WWOX: variants seen among roughly 807,000 people sequenced by gnomAD.
WWOX encodes the protein WW domain-containing oxidoreductase.
A neutral mutation model predicts 46.2 loss-of-function variants in WWOX; 69 were observed. The observed-to-expected ratio is 1.49, with a 90% confidence interval of 1.23 to 1.82. WWOX has a LOEUF of 1.82. Ranked by LOEUF, WWOX falls within the 40% of genes most tolerant of loss-of-function variation. The probability of loss-of-function intolerance (pLI) is 0.00; values close to 1 mark genes in which losing one functional copy is unlikely to be tolerated. For missense variants in WWOX, 919 were observed against 542.6 expected (o/e 1.69, Z -6.89); for synonymous variants, 359 against 202.6 (o/e 1.77, Z -6.56).
intron 8 of WWOX, among the ~76,000 whole-genome samples, chr16:79,191,395 G>GT (rs1333209659): frequency 6.6e-6 from 1 of 152,276 alleles, no homozygotes; most frequent in East Asian, 1.9e-4. Flanking sequence ...CACCGAGATA[G>GT]TAAGTGGACA....
At chr16:78,862,087 C>CTATATCTATACACACACCTAT (rs2043897475) in intron 8 of WWOX, among the ~76,000 whole-genome samples, 1 of 151,882 alleles carries the variant, frequency 6.6e-6, no homozygotes, top group Non-Finnish European at 1.5e-5. Flanking sequence ...TACACACCTA[C>CTATATCTATACACACACCTAT]GGGTGTGTCT....
At chr16:78,585,646 CTGT>C (rs1597307847) in intron 8 of WWOX, among the ~76,000 whole-genome samples, 1 of 151,234 alleles carries the variant, frequency 6.6e-6, no homozygotes, top group African/African-American at 2.4e-5. Context: ...TTTGTTGTTG[CTGT>C]TGTTTTTTCT....
chr16:78,232,681 G>A (rs1280338947), intron 5 of WWOX, among the ~76,000 whole-genome samples: 1 of 152,188 alleles, frequency 6.6e-6, no homozygotes, highest in South Asian at 2.1e-4. Flanking sequence ...TTTTAAACTT[G>A]AATTTAGTTT....
At chr16:78,523,618 C>T (rs962924485) in intron 8 of WWOX, among the ~76,000 whole-genome samples, 12 of 152,178 alleles carry the variant, frequency 7.9e-5, no homozygotes, top group Admixed American at 2.6e-4. Context: ...TATTTTTCTC[C>T]ACCTTGGGTG....
intron 8 of WWOX, among the ~76,000 whole-genome samples, chr16:78,646,765 C>T (rs773982752): frequency 6.6e-6 from 1 of 152,186 alleles, no homozygotes; most frequent in Non-Finnish European, 1.5e-5. Context: ...GGTTTTGCCT[C>T]CTTCTAGAAC....
intron 8 of WWOX, among the ~76,000 whole-genome samples, chr16:78,766,428 C>G (rs1051147223): frequency 6.6e-5 from 10 of 152,266 alleles, no homozygotes; most frequent in African/African-American, 2.4e-4. Flanking sequence ...GACCCCACGT[C>G]TTAAAAAAAT....
At chr16:78,822,327 C>G (rs868375376) in intron 8 of WWOX, among the ~76,000 whole-genome samples, 1 of 152,038 alleles carries the variant, frequency 6.6e-6, no homozygotes, top group Non-Finnish European at 1.5e-5. Flanking sequence ...AACGCCATCT[C>G]TACTAAAAAC....
At chr16:78,565,364 T>A (rs1013952258) in intron 8 of WWOX, among the ~76,000 whole-genome samples, 1 of 152,166 alleles carries the variant, frequency 6.6e-6, no homozygotes, top group Admixed American at 6.5e-5. Flanking sequence ...TAGGGGAGAA[T>A]CTGTTTCCTT....
intron 8 of WWOX, among the ~76,000 whole-genome samples, chr16:78,761,408 T>C (rs140986562): frequency 5.8e-4 from 89 of 152,298 alleles, no homozygotes; most frequent in African/African-American, 2.1e-3. Context: ...TAGTTTTGTT[T>C]ACCTGTTTAG....
chr16:79,101,162 A>T (rs2150630220), intron 8 of WWOX: 1 of 152,342 alleles, frequency 6.6e-6, no homozygotes, highest in South Asian at 2.1e-4. Context: ...AAGTCTCCAG[A>T]AATTGGCCTC....
chr16:79,094,005 C>CATGT (rs2049017613), intron 8 of WWOX, among the ~76,000 whole-genome samples: 1 of 152,134 alleles, frequency 6.6e-6, no homozygotes, highest in Non-Finnish European at 1.5e-5. Flanking sequence ...TGAACGAATA[C>CATGT]ATGTATGAAT....
intron 8 of WWOX, among the ~76,000 whole-genome samples, chr16:78,549,776 G>T (rs1317607601): frequency 2.6e-5 from 4 of 152,194 alleles, no homozygotes; most frequent in Non-Finnish European, 5.9e-5. Context: ...AGGGTAAGAT[G>T]AACGTCTTAG....
At chr16:78,957,670 C>G (rs1380408892) in intron 8 of WWOX, among the ~76,000 whole-genome samples, 2 of 151,336 alleles carry the variant, frequency 1.3e-5, no homozygotes, top group Non-Finnish European at 2.9e-5. Context: ...AAACTTAAGT[C>G]AAGGGATTTT....
intron 8 of WWOX, among the ~76,000 whole-genome samples, chr16:78,925,282 C>T (rs2045472861): frequency 6.6e-6 from 1 of 152,148 alleles, no homozygotes; most frequent in Non-Finnish European, 1.5e-5. Context: ...CACTGGGTGG[C>T]AGCATACTGG....
intron 4 of WWOX, among the ~76,000 whole-genome samples, chr16:78,137,282 C>A (rs2033828508): frequency 6.6e-6 from 1 of 152,168 alleles, no homozygotes; most frequent in African/African-American, 2.4e-5. Flanking sequence ...TGTGAATCCT[C>A]ACCCTCCGAT....
chr16:78,458,645 A>T (rs1370803595), intron 8 of WWOX, among the ~76,000 whole-genome samples: 1 of 151,446 alleles, frequency 6.6e-6, no homozygotes, highest in Non-Finnish European at 1.5e-5. Context: ...ATTTTATAGC[A>T]TATAAAAGTA....
rs368680750 is a variant in WWOX, at chr16:79,211,634, C to T, written c.1083C>T (p.Tyr361=). 1.3e-5 allele frequency: 21 copies of T among 1,614,220 alleles called. No individual in the cohort carries two copies. The highest frequency in any genetic ancestry group is 1.7e-5 in the Non-Finnish European group (20 of 1,180,044). Reference sequence around the variant, plus strand: ...AACAGGGAGCTGCCACCACCGTGTACTGTGCTGCTGTCCCAGAACTGGAGG... The same window carrying T: ...AACAGGGAGCTGCCACCACCGTGTATTGTGCTGCTGTCCCAGAACTGGAGG... ...SMQQGAATTV[Y]CAAVPELEGL... is the part of the protein sequence containing the mutation. The change falls in exon 9 of 9, where the codon TAC becomes TAT. Residue 361 remains tyrosine (Y), a synonymous_variant. Coordinates refer to ENST00000566780, the MANE Select transcript of WWOX (RefSeq NM_016373.4).
intron 8 of WWOX, among the ~76,000 whole-genome samples, chr16:79,119,841 C>T (rs1288159195): frequency 6.6e-6 from 1 of 152,144 alleles, no homozygotes; most frequent in Non-Finnish European, 1.5e-5. Context: ...AGACCCAGAG[C>T]CAGCAAACAA....
intron 8 of WWOX, among the ~76,000 whole-genome samples, chr16:78,692,956 C>A (rs1015906543): frequency 2.6e-5 from 4 of 152,182 alleles, no homozygotes; most frequent in Non-Finnish European, 4.4e-5. Flanking sequence ...TTATTAAACA[C>A]CCTTCTCTCC....
Sources: gnomAD v4.1 joint callset for allele counts (sites outside exome capture counted in the v4.1 genomes callset) on GRCh38, gnomAD v4.1.1 for gene constraint, MANE v1.5 for transcripts, NCBI Gene and HGNC (gene_info 2026-07-23, HGNC 2026-07-21) for gene names.